ENOX1: variants seen among roughly 807,000 people sequenced by gnomAD.
ENOX1 encodes the protein ecto-NOX disulfide-thiol exchanger 1.
In ENOX1, 42 loss-of-function variants were observed where a neutral mutation model predicts 82.5. That is an observed-to-expected ratio of 0.51 (90% confidence interval 0.40 to 0.66). ENOX1 has a LOEUF of 0.66. Among genes scored for constraint, ENOX1 ranks in the 30% least tolerant of loss-of-function variants. The probability of loss-of-function intolerance (pLI) is 0.00; values close to 1 mark genes in which losing one functional copy is unlikely to be tolerated. For missense variants in ENOX1, 608 were observed against 811.6 expected (o/e 0.75, Z 3.05); for synonymous variants, 271 against 282.2 (o/e 0.96, Z 0.40).
Position 43,786,027 on chromosome 13 carries a change from G to A in ENOX1, c.-285+625C>T, listed in dbSNP as rs1952582332. Among the ~76,000 whole-genome samples, 2 of 152,128 alleles carry A rather than the reference G, an allele frequency of 1.3e-5. No individual in the cohort carries two copies. The highest frequency in any genetic ancestry group is 1.9e-4 in the East Asian group (1 of 5,172). ...CCTTTACCTCGCGTTGGGCCAGGCA[G>A]GGCGCGCTCCCGCCGACGAAGACCT... On this transcript the variant is annotated intron_variant, in intron 1 of 16. Transcript: ENST00000690772. This position sits in a 1 kb window ranked among gnomAD's most constrained non-coding sequence, Gnocchi z 6.0.
chr13:43,277,194 C>A (rs559789925), intron 12 of ENOX1, among the ~76,000 whole-genome samples: 3 of 152,308 alleles, frequency 2.0e-5, no homozygotes, highest in Admixed American at 1.3e-4. Context: ...AAATCAATTC[C>A]TCTAGGCCTT....
intron 16 of ENOX1, among the ~76,000 whole-genome samples, chr13:43,223,044 T>C (rs943478494): frequency 6.6e-6 from 1 of 152,198 alleles, no homozygotes; most frequent in African/African-American, 2.4e-5. Flanking sequence ...TAAACAGTTT[T>C]GGGATCATGT....
chr13:43,474,178 G>A (rs1218550563), intron 3 of ENOX1, among the ~76,000 whole-genome samples: 1 of 152,068 alleles, frequency 6.6e-6, no homozygotes, highest in Non-Finnish European at 1.5e-5. Flanking sequence ...TTAGATATTC[G>A]TGAAGCAAGA....
intron 3 of ENOX1, among the ~76,000 whole-genome samples, chr13:43,418,155 C>T (rs1045073585): frequency 1.3e-5 from 2 of 151,458 alleles, no homozygotes; most frequent in South Asian, 2.1e-4. Flanking sequence ...GTTGTAGAGC[C>T]GAGATCACAC....
chr13:43,450,584 G>A (rs1594683097), intron 3 of ENOX1, among the ~76,000 whole-genome samples: 1 of 152,154 alleles, frequency 6.6e-6, no homozygotes, highest in Non-Finnish European at 1.5e-5. Context: ...AGGCAAGACA[G>A]AGTAAGCAGC....
chr13:43,593,974 G>A (rs2081354923), intron 2 of ENOX1, among the ~76,000 whole-genome samples: 1 of 152,108 alleles, frequency 6.6e-6, no homozygotes, highest in Admixed American at 6.5e-5. Flanking sequence ...TCAGGGAGAT[G>A]TGCTCCTACC....
intron 15 of ENOX1, among the ~76,000 whole-genome samples, chr13:43,232,113 T>TG (rs67481802): frequency 6.0e-5 from 9 of 149,056 alleles, no homozygotes; most frequent in African/African-American, 2.0e-4. Context: ...TTTTTTTTTT[T>TG]GTAGAGATGG....
chr13:43,684,849 C>G (rs1030862037), intron 1 of ENOX1, among the ~76,000 whole-genome samples: 5 of 152,120 alleles, frequency 3.3e-5, no homozygotes, highest in African/African-American at 9.6e-5. Context: ...AATATTTTCC[C>G]TAATTACAAA....
intron 3 of ENOX1, among the ~76,000 whole-genome samples, chr13:43,471,809 C>CAAAAAAAAAAAAA (rs5803181): frequency 1.6e-5 from 2 of 124,556 alleles, no homozygotes; most frequent in African/African-American, 3.5e-5. Context: ...GACTCCGTCT[C>CAAAAAAAAAAAAA]AAAAAAAAAA....
intron 2 of ENOX1, among the ~76,000 whole-genome samples, chr13:43,657,344 G>T (rs2084487840): frequency 6.6e-6 from 1 of 152,164 alleles, no homozygotes; most frequent in Non-Finnish European, 1.5e-5. Context: ...AAATCAGTAG[G>T]TGTTGGCTCA....
At chr13:43,412,147 G>T in intron 4 of ENOX1, 94 bp from the exon 5 acceptor site, 2 of 1,412,220 alleles carry the variant, frequency 1.4e-6, no homozygotes, top group Non-Finnish European at 2.0e-6. Context: ...GCTTCATTTA[G>T]CACATTCCCA....
intron 3 of ENOX1, among the ~76,000 whole-genome samples, chr13:43,460,134 A>AAATT (rs1160335814): frequency 1.3e-5 from 2 of 152,196 alleles, no homozygotes; most frequent in African/African-American, 2.4e-5. Context: ...TTTTGTTACA[A>AAATT]AATTATCCTT....
intron 12 of ENOX1, among the ~76,000 whole-genome samples, chr13:43,273,242 G>T (rs1220035057): frequency 6.6e-6 from 1 of 151,978 alleles, no homozygotes; most frequent in Non-Finnish European, 1.5e-5. Flanking sequence ...CCTCTTTGCC[G>T]GTTCCTTGAC....
At chr13:43,571,169 G>A (rs754499470) in intron 2 of ENOX1, among the ~76,000 whole-genome samples, 8 of 152,058 alleles carry the variant, frequency 5.3e-5, no homozygotes, top group Non-Finnish European at 7.4e-5. Flanking sequence ...GGAGGATGAC[G>A]GCTGTCTACC....
chr13:43,536,111 T>C (rs1412894287), intron 2 of ENOX1, among the ~76,000 whole-genome samples: 1 of 152,200 alleles, frequency 6.6e-6, no homozygotes, highest in Admixed American at 6.5e-5. Context: ...CTTTTTTTGT[T>C]GATTTGGATT....
At chr13:43,470,528 C>T (rs1177954413) in intron 3 of ENOX1, among the ~76,000 whole-genome samples, 2 of 149,240 alleles carry the variant, frequency 1.3e-5, no homozygotes. Flanking sequence ...CATCAAAAGA[C>T]ATCACTAAGA....
chr13:43,568,035 A>C (rs1233110365), intron 2 of ENOX1, among the ~76,000 whole-genome samples: 1 of 152,202 alleles, frequency 6.6e-6, no homozygotes, highest in Non-Finnish European at 1.5e-5. Flanking sequence ...ATGCTCCCAT[A>C]CTATAAAAAT....
Position 43,497,165 on chromosome 13 carries a change from C to T in ENOX1, c.-218-13013G>A, listed in dbSNP as rs1230038468. 2.0e-5 allele frequency among the ~76,000 whole-genome samples: 3 copies of T among 152,070 alleles called. No homozygotes were observed. In the East Asian group the frequency reaches 5.8e-4, roughly 29 times the overall value. ...TAAGTTCAAATAGATCTTTTTTAGA[C>T]TCCATAGGATTTTCTATACAATTTT... On this transcript the variant is annotated intron_variant, in intron 2 of 16. Transcript: ENST00000690772.
intron 1 of ENOX1, among the ~76,000 whole-genome samples, chr13:43,753,547 T>A (rs962627038): frequency 1.3e-5 from 2 of 152,282 alleles, no homozygotes; most frequent in African/African-American, 4.8e-5. Context: ...GAATTAAGAA[T>A]TAAGATCAAC....
Sources: allele counts gnomAD v4.1 joint callset (sites outside exome capture counted in the v4.1 genomes callset), GRCh38; gene constraint gnomAD v4.1.1; non-coding constraint Gnocchi (gnomAD v3.1); transcripts MANE v1.5; gene names NCBI Gene and HGNC (gene_info 2026-07-23, HGNC 2026-07-21).